The following CABCOCO1 variants were observed in gnomAD, a reference collection of about 807,000 sequenced individuals.
CABCOCO1 encodes ciliary-associated calcium-binding coiled-coil protein 1.
A neutral mutation model predicts 35.7 loss-of-function variants in CABCOCO1; 28 were observed. The observed-to-expected ratio is 0.78, with a 90% confidence interval of 0.58 to 1.07. The LOEUF (loss-of-function observed/expected upper bound fraction) is 1.07, where lower values mean the gene tolerates loss of function less well. Among genes scored for constraint, CABCOCO1 ranks in the 50% least tolerant of loss-of-function variants. The probability of loss-of-function intolerance (pLI) is 0.00; values close to 1 mark genes in which losing one functional copy is unlikely to be tolerated. For synonymous variants in CABCOCO1, 95 were observed against 100.1 expected, an observed-to-expected ratio of 0.95 and a Z score of 0.30; for missense variants, 326 against 309.2, an observed-to-expected ratio of 1.05 and a Z score of -0.41.
At chr10:61,707,054 A>C (rs1237908392) in intron 5 of CABCOCO1, among the ~76,000 whole-genome samples, 1 of 152,134 alleles carries the variant, frequency 6.6e-6, no homozygotes, top group Admixed American at 6.6e-5. Flanking sequence ...AGTAATTGAT[A>C]CCAGGAGTGG....
intron 2 of CABCOCO1, among the ~76,000 whole-genome samples, chr10:61,676,649 T>G (rs1404055837): frequency 6.6e-6 from 1 of 152,124 alleles, no homozygotes; most frequent in Non-Finnish European, 1.5e-5. Flanking sequence ...GTATCATAAA[T>G]GTAAAGGGTT....
In CABCOCO1 at chr10:61,742,551, T is replaced by C. The variant is rs554335513; in HGVS notation, c.553-17508T>C. On this transcript the variant is annotated intron_variant, in intron 5 of 7. Transcript: ENST00000648843. ...CACCTTAGTTCTGTCACCTGCTAAT[T>C]GTGGGGCCTTGGAACAGTAACATCA... 3.3e-5 allele frequency among the ~76,000 whole-genome samples: 5 copies of C among 152,280 alleles called. No homozygotes were observed. In the East Asian group the frequency reaches 9.7e-4, roughly 29 times the overall value.
At chr10:61,747,986 T>C (rs189424901) in intron 5 of CABCOCO1, among the ~76,000 whole-genome samples, 376 of 152,232 alleles carry the variant, frequency 2.5e-3, no homozygotes, top group Middle Eastern at 0.01. Context: ...AATATTCCAG[T>C]TTTATCACCA....
chr10:61,687,093 A>C (rs1839987702), intron 4 of CABCOCO1, among the ~76,000 whole-genome samples: 1 of 152,220 alleles, frequency 6.6e-6, no homozygotes, highest in South Asian at 2.1e-4. Context: ...AAATCTAGAA[A>C]GCTTTTTAAA....
intron 5 of CABCOCO1, among the ~76,000 whole-genome samples, chr10:61,704,628 C>A (rs749445092): frequency 2.0e-5 from 3 of 152,144 alleles, no homozygotes; most frequent in Non-Finnish European, 4.4e-5. Flanking sequence ...AGCTAAACTG[C>A]GCTCAGATCC....
At chr10:61,752,293 A>G (rs971240388) in intron 5 of CABCOCO1, among the ~76,000 whole-genome samples, 4 of 151,934 alleles carry the variant, frequency 2.6e-5, no homozygotes, top group African/African-American at 9.7e-5. Flanking sequence ...AAGCAAGAAA[A>G]TCCTGCCTGC....
At chr10:61,701,707 G>T in intron 5 of CABCOCO1, 2 of 984,736 alleles carry the variant, frequency 2.0e-6, no homozygotes, top group South Asian at 9.4e-5. Flanking sequence ...AGATATGCAT[G>T]CCTAAAGTAA....
chr10:61,675,359 C>T (rs534364658), intron 2 of CABCOCO1, among the ~76,000 whole-genome samples: 39 of 151,966 alleles, frequency 2.6e-4, no homozygotes, highest in Non-Finnish European at 4.6e-4. Flanking sequence ...GTACAATGAC[C>T]GAGCAAAGAA....
intron 5 of CABCOCO1, among the ~76,000 whole-genome samples, chr10:61,698,072 A>G (rs1355171069): frequency 1.3e-5 from 2 of 152,162 alleles, no homozygotes; most frequent in Non-Finnish European, 2.9e-5. Context: ...CCAAAGTGGC[A>G]ACACATCAAA....
intron 5 of CABCOCO1, among the ~76,000 whole-genome samples, chr10:61,719,694 T>A (rs775785571): frequency 9.9e-5 from 15 of 151,564 alleles, no homozygotes; most frequent in South Asian, 2.1e-4. Context: ...GGCCGAGAGG[T>A]GGATCACCCG....
chr10:61,760,172 G>C lies in CABCOCO1; in HGVS notation c.666G>C (p.Thr222=), dbSNP rs187886388. 1.4e-5 allele frequency: 22 copies of C among 1,610,564 alleles called. No homozygotes were observed. The highest frequency in any genetic ancestry group is 4.5e-5 in the East Asian group (2 of 44,858). The stretch of plus-strand genomic sequence containing the variant: ...TAGAGCCCCCCACAATATTGGATAC[G>C]GAAATGAAGGTATATTTCTTTTTGT... ...TFIEPPTILD[T]EMKRLDQEQG... Residue 222 remains threonine (T), a synonymous_variant, in exon 6 of 8, where the codon ACG becomes ACC. Coordinates refer to ENST00000648843, the MANE Select transcript of CABCOCO1 (RefSeq NM_001366906.2).
chr10:61,763,112 A>G (rs887890543), intron 7 of CABCOCO1, among the ~76,000 whole-genome samples: 1 of 152,100 alleles, frequency 6.6e-6, no homozygotes, highest in African/African-American at 2.4e-5. Context: ...CACTACTCGT[A>G]AGATGTTTTA....
intron 5 of CABCOCO1, among the ~76,000 whole-genome samples, chr10:61,692,687 C>T (rs1225249289): frequency 2.6e-5 from 4 of 152,118 alleles, no homozygotes; most frequent in Admixed American, 1.3e-4. Context: ...GGTACTTGTT[C>T]TAATGCTAGA....
At chr10:61,747,060 AT>A (rs1314940906) in intron 5 of CABCOCO1, among the ~76,000 whole-genome samples, 1 of 152,162 alleles carries the variant, frequency 6.6e-6, no homozygotes, top group Non-Finnish European at 1.5e-5. Context: ...CTTTAAAAAA[AT>A]CTTGTTAAAA....
At chr10:61,765,190 C>T (rs1842082052) in intron 7 of CABCOCO1, among the ~76,000 whole-genome samples, 1 of 152,112 alleles carries the variant, frequency 6.6e-6, no homozygotes, top group Admixed American at 6.6e-5. Context: ...ACGTCAACCA[C>T]CACTGCTTTT....
chr10:61,740,835 G>A (rs916570431), intron 5 of CABCOCO1, among the ~76,000 whole-genome samples: 5 of 152,076 alleles, frequency 3.3e-5, no homozygotes, highest in African/African-American at 4.8e-5. Flanking sequence ...CAAAATTGAG[G>A]TCATAACTAA....
chr10:61,759,178 A>G (rs1185679717), intron 5 of CABCOCO1, among the ~76,000 whole-genome samples: 1 of 151,998 alleles, frequency 6.6e-6, no homozygotes, highest in Non-Finnish European at 1.5e-5. Flanking sequence ...AAGCAAAACA[A>G]TTTACCAGTT....
In CABCOCO1 at chr10:61,662,971, C is replaced by T. The variant is rs940523776; in HGVS notation, c.-2C>T. On this transcript the variant is annotated 5_prime_UTR_variant, in exon 1 of 8. Transcript: ENST00000648843. ...CCGCTTCTCTCGGCCGAGATTGCGG[C>T]GATGTCGCAGGGGACGACTCCCTGG... The T allele has an allele frequency of 2.5e-6, 1 of 395,528 alleles. No homozygotes were observed. Among genetic ancestry groups the T allele is most frequent in the Non-Finnish European group, 5.3e-6 (1 of 189,406 alleles). The allele number at this position is 395,528 out of a possible 1,614,324, so 24.5% of individuals were successfully genotyped here.
chr10:61,680,190 T>C (rs1839666627), intron 2 of CABCOCO1, among the ~76,000 whole-genome samples: 1 of 150,832 alleles, frequency 6.6e-6, no homozygotes, highest in Non-Finnish European at 1.5e-5. Flanking sequence ...CGGGTACCTG[T>C]AATTCCAGTT....
Sources: allele counts gnomAD v4.1 joint callset (sites outside exome capture counted in the v4.1 genomes callset), GRCh38; gene constraint gnomAD v4.1.1; transcripts MANE v1.5; gene names NCBI Gene and HGNC (gene_info 2026-07-23, HGNC 2026-07-21).